The following USP53 variants were observed in gnomAD, a reference collection of about 807,000 sequenced individuals.
The protein encoded by USP53 is ubiquitin specific peptidase 53.
Under a neutral mutation model 94.9 loss-of-function variants are expected in USP53, and 71 were observed. The observed-to-expected ratio is 0.75, with a 90% CI of 0.62 to 0.91. The LOEUF (loss-of-function observed/expected upper bound fraction) is 0.91, where lower values mean the gene tolerates loss of function less well. USP53 is among the 40% of genes least tolerant of loss of function. The pLI is 0.00. For missense variants in USP53, 1,173 were observed against 1,281.0 expected, an observed-to-expected ratio of 0.92 and a Z score of 1.29; for synonymous variants, 375 against 422.7, an observed-to-expected ratio of 0.89 and a Z score of 1.39.
At chr4:119,225,336 G>A (rs576102545) in intron 3 of USP53, among the ~76,000 whole-genome samples, 184 of 152,292 alleles carry the variant, frequency 1.2e-3, no homozygotes, top group African/African-American at 4.3e-3. Context: ...GGCCCAGATA[G>A]TGCTACTGAT....
intron 16 of USP53, chr4:119,272,738 T>A (rs1021447857): frequency 1.3e-5 from 2 of 152,216 alleles, no homozygotes; most frequent in Admixed American, 6.5e-5. Context: ...ATGTTTATAA[T>A]CCCATCTCTA....
At chr4:119,254,218 G>C (rs1328999877) in intron 7 of USP53, among the ~76,000 whole-genome samples, 1 of 152,148 alleles carries the variant, frequency 6.6e-6, no homozygotes, top group Non-Finnish European at 1.5e-5. Flanking sequence ...TTCTCAAGGA[G>C]TATCTTTGTG....
intron 3 of USP53, among the ~76,000 whole-genome samples, chr4:119,227,798 T>A (rs1473104624): frequency 6.6e-6 from 1 of 152,202 alleles, no homozygotes; most frequent in Non-Finnish European, 1.5e-5. Context: ...TGTGTATAGT[T>A]ACTTTATTCA....
chr4:119,259,391 C>A (rs1239866964), intron 9 of USP53, among the ~76,000 whole-genome samples: 1 of 152,084 alleles, frequency 6.6e-6, no homozygotes. Flanking sequence ...AAAGGACCTT[C>A]TCCTAGCTGA....
At chr4:119,292,297 G>A (rs139772846) in intron 18 of USP53, 41 bp from the exon 19 acceptor site, 2 of 1,508,582 alleles carry the variant, frequency 1.3e-6, no homozygotes, top group Non-Finnish European at 1.8e-6. Context: ...TCATATATTT[G>A]CATAGGGTGT....
Position 119,239,710 on chromosome 4 carries a change from A to T in USP53, c.-50A>T. 6.4e-7 allele frequency: 1 copy of T among 1,560,344 alleles called. No homozygotes were observed. Among genetic ancestry groups the T allele is most frequent in the Non-Finnish European group, 8.7e-7 (1 of 1,154,410 alleles). ...CATCCATTTTATTGTCCAAAATATT[A>T]CATAAAAGTGTACAGTTTTTAGCCT... On this transcript the variant is annotated 5_prime_UTR_variant, in exon 5 of 19. Transcript: ENST00000692078.
At chr4:119,262,702 A>C (rs1292950200) in intron 12 of USP53, among the ~76,000 whole-genome samples, 1 of 152,204 alleles carries the variant, frequency 6.6e-6, no homozygotes, top group Non-Finnish European at 1.5e-5. Context: ...AAGAAAATTC[A>C]CATATAAGTG....
intron 3 of USP53, chr4:119,219,858 C>A (rs1360635374): frequency 1.3e-5 from 2 of 152,120 alleles, no homozygotes; most frequent in Admixed American, 1.3e-4. Flanking sequence ...AAAATTATTG[C>A]TGGTAAAGCA....
At chr4:119,232,041 C>T (rs1009999271) in intron 3 of USP53, among the ~76,000 whole-genome samples, 1 of 152,164 alleles carries the variant, frequency 6.6e-6, no homozygotes, top group African/African-American at 2.4e-5. Context: ...CAAAGGTCAG[C>T]CCTGCAAGCA....
At chr4:119,249,238 A>G (rs1325266467) in intron 7 of USP53, among the ~76,000 whole-genome samples, 1 of 152,156 alleles carries the variant, frequency 6.6e-6, no homozygotes, top group Non-Finnish European at 1.5e-5. Flanking sequence ...AATAGTTATC[A>G]TTGCATGCAA....
At chr4:119,237,849 TTA>T (rs1468162663) in intron 4 of USP53, among the ~76,000 whole-genome samples, 1 of 152,232 alleles carries the variant, frequency 6.6e-6, no homozygotes, top group Non-Finnish European at 1.5e-5. Context: ...CCTTGTATTT[TTA>T]TGTTATGGAG....
intron 3 of USP53, among the ~76,000 whole-genome samples, chr4:119,230,274 A>G (rs1745890803): frequency 6.6e-6 from 1 of 152,122 alleles, no homozygotes; most frequent in Admixed American, 6.5e-5. Flanking sequence ...TCACACATAC[A>G]TTGTTTTACC....
chr4:119,220,778 A>T (rs1274332845), intron 3 of USP53: 1 of 152,236 alleles, frequency 6.6e-6, no homozygotes, highest in Non-Finnish European at 1.5e-5. Context: ...AGGTACAGGG[A>T]GCACTGCAAT....
In USP53 at chr4:119,291,163, A is replaced by AG; in HGVS notation, c.2252dup. 7.0e-7 allele frequency: 1 copy of AG among 1,421,596 alleles called. No individual in the cohort carries two copies. The highest frequency in any genetic ancestry group is 9.4e-7 in the Non-Finnish European group (1 of 1,059,006). 88.1% of individuals were successfully genotyped at this position (1,421,596 alleles called of 1,614,324 possible). On this transcript the variant is annotated splice_acceptor_variant, in intron 17 of 18. Transcript: ENST00000692078. LOFTEE classifies it high-confidence loss of function. Reference sequence around the variant, plus strand: ...TCTTCTCCCCACCCCACCCAACCCTAGGCTTTAGAAAAGAACTCAGGAATT... The same window carrying AG: ...TCTTCTCCCCACCCCACCCAACCCTAGGGCTTTAGAAAAGAACTCAGGAATT...
intron 5 of USP53, among the ~76,000 whole-genome samples, chr4:119,242,812 T>C (rs1747721672): frequency 6.6e-6 from 1 of 152,198 alleles, no homozygotes. Context: ...GAATACATTT[T>C]CAAAAATGCT....
At chr4:119,261,983 A>G (rs1750573383) in intron 12 of USP53, 119 bp downstream of exon 12, 1 of 902,162 alleles carries the variant, frequency 1.1e-6, no homozygotes, top group Non-Finnish European at 1.5e-6. Flanking sequence ...ATAGTAATAA[A>G]TGAACATGAT....
At chr4:119,230,170 T>A (rs535883230) in intron 3 of USP53, among the ~76,000 whole-genome samples, 103 of 152,328 alleles carry the variant, frequency 6.8e-4, no homozygotes, top group Non-Finnish European at 1.2e-3. Context: ...ACTGAGTTAA[T>A]CTTTTTTGTT....
chr4:119,262,223 A>C (rs563151824), intron 12 of USP53, among the ~76,000 whole-genome samples: 18 of 152,190 alleles, frequency 1.2e-4, no homozygotes, highest in Admixed American at 3.9e-4. Flanking sequence ...TTGTATAACT[A>C]GTGATGAAAA....
At chr4:119,227,716 C>G (rs970791592) in intron 3 of USP53, among the ~76,000 whole-genome samples, 1 of 152,192 alleles carries the variant, frequency 6.6e-6, no homozygotes, top group African/African-American at 2.4e-5. Flanking sequence ...CATGCATTTA[C>G]AATACAACCT....
Sources: allele counts gnomAD v4.1 joint callset (sites outside exome capture counted in the v4.1 genomes callset), GRCh38; gene constraint gnomAD v4.1.1; transcripts MANE v1.5; gene names NCBI Gene and HGNC (gene_info 2026-07-23, HGNC 2026-07-21).